The following CTNNA2 variants were observed in gnomAD, a reference collection of about 807,000 sequenced individuals.
CTNNA2 encodes catenin alpha-2.
Under a neutral mutation model 101.0 loss-of-function variants are expected in CTNNA2, and 42 were observed. The ratio of observed to expected loss-of-function variants is 0.42; its 90% CI spans 0.32 to 0.54. The LOEUF is 0.54. CTNNA2 is among the 20% of genes least tolerant of loss of function. The pLI, the probability that CTNNA2 is intolerant of heterozygous loss-of-function variation, is 0.14. For synonymous variants in CTNNA2, 450 were observed against 456.4 expected (o/e 0.99, Z 0.18); for missense variants, 871 against 1,223.1 (o/e 0.71, Z 4.29).
At chr2:80,433,049 C>G (rs1444542) in intron 9 of CTNNA2, among the ~76,000 whole-genome samples, 81,499 of 151,830 alleles carry the variant, frequency 0.54, 24,105 homozygotes, top group East Asian at 0.92. Flanking sequence ...CTAAAAATAG[C>G]CTGTGATGGG....
At chr2:79,910,641 G>A (rs1326067650) in intron 7 of CTNNA2, among the ~76,000 whole-genome samples, 1 of 152,146 alleles carries the variant, frequency 6.6e-6, no homozygotes, top group African/African-American at 2.4e-5. Context: ...GTGAGGTCTC[G>A]ATATTACATT....
chr2:79,554,129 C>T (rs1025054056), intron 1 of CTNNA2, among the ~76,000 whole-genome samples: 21 of 152,082 alleles, frequency 1.4e-4, no homozygotes, highest in African/African-American at 5.1e-4. Context: ...CTCCATTTAG[C>T]CAAGGTGGAT....
chr2:79,877,734 G>A (rs60114196), intron 6 of CTNNA2, among the ~76,000 whole-genome samples: 10,556 of 152,094 alleles, frequency 0.069, 973 homozygotes, highest in East Asian at 0.47. Context: ...TTCTCATATA[G>A]TGAAAATTTA....
chr2:79,252,806 T>G (rs1380143069), intron 2 of CTNNA2, among the ~76,000 whole-genome samples: 1 of 139,644 alleles, frequency 7.2e-6, no homozygotes, highest in Non-Finnish European at 1.6e-5. Flanking sequence ...CTGTCTTGCT[T>G]ATTATCAACT....
chr2:79,312,281 T>C (rs1385696303), intron 2 of CTNNA2, among the ~76,000 whole-genome samples: 1 of 152,232 alleles, frequency 6.6e-6, no homozygotes, highest in East Asian at 1.9e-4. Context: ...TAGAAATGTG[T>C]AGTTGGCCAG....
chr2:79,977,083 A>T (rs559408738), intron 7 of CTNNA2, among the ~76,000 whole-genome samples: 1 of 152,342 alleles, frequency 6.6e-6, no homozygotes, highest in African/African-American at 2.4e-5. Flanking sequence ...TATATTTAAA[A>T]TAGTGTTTCA....
At chr2:80,631,046 A>C (rs1221357871) in intron 18 of CTNNA2, among the ~76,000 whole-genome samples, 2 of 152,226 alleles carry the variant, frequency 1.3e-5, no homozygotes, top group Non-Finnish European at 1.5e-5. Flanking sequence ...GGCATTTTTT[A>C]ATGTATCAGA....
At chr2:79,919,250 A>G in intron 7 of CTNNA2, among the ~76,000 whole-genome samples, 1 of 152,224 alleles carries the variant, frequency 6.6e-6, no homozygotes, top group East Asian at 1.9e-4. Flanking sequence ...GGTATCATTC[A>G]GCTTATCCAT....
intron 2 of CTNNA2, among the ~76,000 whole-genome samples, chr2:79,740,336 CT>C (rs1009161069): frequency 2.6e-5 from 4 of 152,086 alleles, no homozygotes; most frequent in African/African-American, 9.7e-5. Flanking sequence ...TGATCTTGTT[CT>C]TTTTTAAGCA....
At chr2:80,533,579 C>T (rs373933546) in intron 9 of CTNNA2, among the ~76,000 whole-genome samples, 33 of 152,242 alleles carry the variant, frequency 2.2e-4, no homozygotes, top group African/African-American at 6.3e-4. Flanking sequence ...CCTTGGCTTC[C>T]GTTAAATGTC....
intron 7 of CTNNA2, among the ~76,000 whole-genome samples, chr2:79,968,928 G>A (rs192518514): frequency 2.2e-4 from 34 of 151,724 alleles, no homozygotes; most frequent in Admixed American, 7.2e-4. Flanking sequence ...GACCATTTGT[G>A]TTAAAGAAAC....
intron 7 of CTNNA2, among the ~76,000 whole-genome samples, chr2:80,033,223 A>G (rs1022763058): frequency 6.6e-6 from 1 of 151,914 alleles, no homozygotes; most frequent in African/African-American, 2.4e-5. Context: ...TAGCAAAAAC[A>G]TGACAGATTC....
chr2:80,382,106 G>C (rs1183703635), intron 7 of CTNNA2, among the ~76,000 whole-genome samples: 1 of 152,188 alleles, frequency 6.6e-6, no homozygotes, highest in Non-Finnish European at 1.5e-5. Flanking sequence ...TACCGTTGGT[G>C]AAGTCGCAGC....
At chr2:80,615,811 T>C (rs935691153) in intron 17 of CTNNA2, among the ~76,000 whole-genome samples, 6 of 151,678 alleles carry the variant, frequency 4.0e-5, no homozygotes, top group African/African-American at 1.4e-4. Flanking sequence ...TTATGGCCCA[T>C]GTATCTTACA....
intron 7 of CTNNA2, among the ~76,000 whole-genome samples, chr2:80,107,735 C>T (rs953213933): frequency 1.3e-5 from 2 of 152,230 alleles, no homozygotes; most frequent in Non-Finnish European, 2.9e-5. Flanking sequence ...TGATAACACA[C>T]TACTGTCCAT....
intron 2 of CTNNA2, among the ~76,000 whole-genome samples, chr2:79,678,153 G>T (rs1007751680): frequency 2.0e-5 from 3 of 152,134 alleles, no homozygotes; most frequent in Non-Finnish European, 4.4e-5. Context: ...GTGCTTTCCC[G>T]TAAATTGCCT....
At chr2:80,645,595 G>A (rs1353294894) in intron 18 of CTNNA2, among the ~76,000 whole-genome samples, 2 of 151,850 alleles carry the variant, frequency 1.3e-5, no homozygotes, top group Non-Finnish European at 2.9e-5. Flanking sequence ...TTTTGGATTG[G>A]GCCTGATAAA....
chr2:80,202,382 A>C (rs1000062913), intron 7 of CTNNA2, among the ~76,000 whole-genome samples: 4 of 152,192 alleles, frequency 2.6e-5, no homozygotes, highest in Non-Finnish European at 5.9e-5. Flanking sequence ...AACCATACAG[A>C]TTAGAAGAAG....
chr2:79,550,781 G>A (rs1002787577), intron 1 of CTNNA2, among the ~76,000 whole-genome samples: 2 of 152,070 alleles, frequency 1.3e-5, no homozygotes, highest in Middle Eastern at 3.2e-3. Context: ...ACCTTACAAC[G>A]TGAATAAACT....
Sources: gnomAD v4.1 joint callset for allele counts (sites outside exome capture counted in the v4.1 genomes callset) on GRCh38, gnomAD v4.1.1 for gene constraint, MANE v1.5 for transcripts, NCBI Gene and HGNC (gene_info 2026-07-23, HGNC 2026-07-21) for gene names.